Variants in RORB observed in about 807,000 individuals in gnomAD.
The protein encoded by RORB is RAR related orphan receptor B, also known as nuclear receptor ROR-beta.
RORB carries 6 observed loss-of-function variants against 59.1 expected under a neutral mutation model. The observed-to-expected ratio is 0.10, with a 90% CI of 0.06 to 0.20. RORB has a LOEUF of 0.20. Ranked by LOEUF, RORB falls within the 10% of genes least tolerant of loss-of-function variation. RORB has a pLI of 1.00. For missense variants in RORB, 320 were observed against 560.5 expected, an observed-to-expected ratio of 0.57 and a Z score of 4.33; for synonymous variants, 215 against 204.5, an observed-to-expected ratio of 1.05 and a Z score of -0.44.
At chr9:74,659,393 T>C (rs1449595086) in intron 4 of RORB, among the ~76,000 whole-genome samples, 1 of 151,754 alleles carries the variant, frequency 6.6e-6, no homozygotes, top group Non-Finnish European at 1.5e-5. Flanking sequence ...TACAAGAAAA[T>C]TTTATTTTCA....
chr9:74,512,931 A>G (rs944695178), intron 1 of RORB, among the ~76,000 whole-genome samples: 1 of 152,198 alleles, frequency 6.6e-6, no homozygotes, highest in African/African-American at 2.4e-5. Context: ...ACAATTTGAA[A>G]TATTGATTTT....
intron 1 of RORB, among the ~76,000 whole-genome samples, chr9:74,537,711 T>A (rs10869416): frequency 1.3e-5 from 2 of 151,808 alleles, no homozygotes; most frequent in East Asian, 1.9e-4. Context: ...AAGATGTATG[T>A]TAACTAATGA....
intron 6 of RORB, among the ~76,000 whole-genome samples, chr9:74,664,923 C>G (rs1303465735): frequency 6.6e-6 from 1 of 152,200 alleles, no homozygotes; most frequent in East Asian, 1.9e-4. Flanking sequence ...AAGGGAAAAA[C>G]AGTGGTAGTA....
chr9:74,514,544 A>G (rs1825982777), intron 1 of RORB, among the ~76,000 whole-genome samples: 1 of 151,990 alleles, frequency 6.6e-6, no homozygotes, highest in Non-Finnish European at 1.5e-5. Context: ...TATTGAACTT[A>G]GTATTCCCAT....
intron 1 of RORB, among the ~76,000 whole-genome samples, chr9:74,529,920 A>G (rs1281680267): frequency 6.6e-6 from 1 of 152,018 alleles, no homozygotes; most frequent in Non-Finnish European, 1.5e-5. Flanking sequence ...AAATAAATAC[A>G]TTGAAAATAA....
At chr9:74,575,209 C>T (rs1053430530) in intron 1 of RORB, among the ~76,000 whole-genome samples, 10 of 152,052 alleles carry the variant, frequency 6.6e-5, no homozygotes, top group African/African-American at 9.7e-5. Flanking sequence ...TAAAATTACC[C>T]GGTATTACTC....
At chr9:74,682,211 C>T (rs751297874) in intron 9 of RORB, among the ~76,000 whole-genome samples, 1 of 144,386 alleles carries the variant, frequency 6.9e-6, no homozygotes, top group African/African-American at 2.6e-5. Flanking sequence ...CTGTTATAAT[C>T]GTCATCTGAC....
At chr9:74,535,337 T>C (rs1796680074) in intron 1 of RORB, among the ~76,000 whole-genome samples, 1 of 152,068 alleles carries the variant, frequency 6.6e-6, no homozygotes, top group African/African-American at 2.4e-5. Flanking sequence ...TTTCCCACCT[T>C]CTTCTAGGTT....
rs1268898925 is a variant in RORB, at chr9:74,634,718, C to A, written c.181C>A (p.Arg61Ser). 1.2e-6 allele frequency: 2 copies of A among 1,613,530 alleles called. No homozygotes were observed. Among genetic ancestry groups the A allele is most frequent in the Non-Finnish European group, 1.7e-6 (2 of 1,179,702 alleles). The change falls in exon 3 of 10, where the codon CGT (arginine) becomes AGT (serine). Residue 61 changes from arginine (R) to serine (S), a missense_variant. Around this residue, in one of 4 missense-constraint regions of RORB, gnomAD observed 37 missense variants for 116.4 expected, o/e 0.32. Transcript: ENST00000376896. Reference sequence around the variant, plus strand: ...TTTAATTGACAGAACGAACAGAAACCGTTGCCAACACTGCCGACTGCAGAA... The same window carrying A: ...TTTAATTGACAGAACGAACAGAAACAGTTGCCAACACTGCCGACTGCAGAA... ...NCLIDRTNRN[R>S]CQHCRLQKCL...
intron 1 of RORB, among the ~76,000 whole-genome samples, chr9:74,587,796 T>C (rs1303908574): frequency 6.6e-6 from 1 of 152,320 alleles, no homozygotes; most frequent in African/African-American, 2.4e-5. Flanking sequence ...TCTCTGCTAC[T>C]CTCAGGATTG....
intron 8 of RORB, among the ~76,000 whole-genome samples, chr9:74,669,608 C>T (rs1824318476): frequency 6.6e-6 from 1 of 151,838 alleles, no homozygotes; most frequent in Non-Finnish European, 1.5e-5. Context: ...TCAGTTACTT[C>T]CTCAGCTGTT....
At chr9:74,616,080 T>A (rs573828362) in intron 1 of RORB, among the ~76,000 whole-genome samples, 5 of 152,310 alleles carry the variant, frequency 3.3e-5, no homozygotes, top group Non-Finnish European at 7.4e-5. Context: ...ATGTAAAAAA[T>A]ATATTTTCAA....
intron 1 of RORB, among the ~76,000 whole-genome samples, chr9:74,576,544 C>T (rs1171670895): frequency 1.3e-5 from 2 of 152,016 alleles, no homozygotes; most frequent in East Asian, 3.9e-4. Flanking sequence ...TTGTACATGT[C>T]ATGATGATTA....
At chr9:74,504,432 C>T (rs1009269880) in intron 1 of RORB, among the ~76,000 whole-genome samples, 1 of 151,944 alleles carries the variant, frequency 6.6e-6, no homozygotes, top group Non-Finnish European at 1.5e-5. Context: ...AAAGCCAAAA[C>T]GAACATCTTG....
At chr9:74,595,836 A>T (rs1028098992) in intron 1 of RORB, among the ~76,000 whole-genome samples, 2 of 152,018 alleles carry the variant, frequency 1.3e-5, no homozygotes, top group South Asian at 4.2e-4. Context: ...GGTCACGTTT[A>T]CTCTATTGGG....
At chr9:74,681,439 CT>C (rs1316297593) in intron 9 of RORB, among the ~76,000 whole-genome samples, 5 of 152,326 alleles carry the variant, frequency 3.3e-5, no homozygotes, top group African/African-American at 9.6e-5. Flanking sequence ...GACTGGGTGT[CT>C]TGCAGTCAGC....
intron 7 of RORB, among the ~76,000 whole-genome samples, chr9:74,667,258 T>C (rs1824282289): frequency 6.6e-6 from 1 of 152,218 alleles, no homozygotes; most frequent in Non-Finnish European, 1.5e-5. Context: ...TCAGTGAAAT[T>C]TCCAAGGAAA....
rs186181387 is a variant in RORB at position 74,649,705 on chromosome 9, C to T, written c.637+6890C>T. ...ACTTTGTAACCAGCCAGTTTCCAAA[C>T]AAATATATGATTTACATCACAAACA... On this transcript the variant is annotated intron_variant, in intron 4 of 9. Transcript: ENST00000376896. Among the ~76,000 whole-genome samples the T allele has an allele frequency of 5.3e-5, 8 of 152,292 alleles. No homozygotes were observed. The East Asian group carries it at 1.5e-3, about 29-fold the overall frequency.
At chr9:74,539,062 A>G (rs1182506210) in intron 1 of RORB, among the ~76,000 whole-genome samples, 1 of 152,190 alleles carries the variant, frequency 6.6e-6, no homozygotes, top group Non-Finnish European at 1.5e-5. Context: ...ATGATTATAT[A>G]GAAATATATA....
Sources: gnomAD v4.1 joint callset for allele counts (sites outside exome capture counted in the v4.1 genomes callset) on GRCh38, gnomAD v4.1.1 for gene constraint, gnomAD v4.1.1 regional missense constraint, MANE v1.5 for transcripts, NCBI Gene and HGNC (gene_info 2026-07-23, HGNC 2026-07-21) for gene names.